The following TESK2 variants were observed in gnomAD, a reference collection of about 807,000 sequenced individuals.
TESK2 encodes the protein dual specificity testis-specific protein kinase 2.
TESK2 carries 39 observed loss-of-function variants against 57.1 expected under a neutral mutation model. That is an observed-to-expected ratio of 0.68 (90% CI 0.53 to 0.89). TESK2 has a LOEUF of 0.89. TESK2 is among the 40% of genes least tolerant of loss of function. The probability of loss-of-function intolerance (pLI) is 0.00; values close to 1 mark genes in which losing one functional copy is unlikely to be tolerated. For missense variants in TESK2, 646 were observed against 732.1 expected (o/e 0.88, Z 1.36); for synonymous variants, 249 against 267.9 (o/e 0.93, Z 0.69).
intron 3 of TESK2, among the ~76,000 whole-genome samples, chr1:45,411,903 C>T (rs2088100): frequency 0.26 from 39,277 of 152,082 alleles, 5,202 homozygotes; most frequent in East Asian, 0.36. Flanking sequence ...TGGATCCTCC[C>T]GCCTCAGTCT....
At chr1:45,396,019 C>T (rs778964656) in intron 3 of TESK2, among the ~76,000 whole-genome samples, 28 of 151,956 alleles carry the variant, frequency 1.8e-4, no homozygotes, top group Non-Finnish European at 3.8e-4. Flanking sequence ...CTGTCAACTA[C>T]GCTGGAGAGC....
intron 3 of TESK2, among the ~76,000 whole-genome samples, chr1:45,388,212 G>A (rs961889736): frequency 6.6e-6 from 1 of 152,144 alleles, no homozygotes; most frequent in Non-Finnish European, 1.5e-5. Context: ...GGGTCATTCT[G>A]TTGGAGGGCA....
intron 4 of TESK2, 98 bp from the exon 5 acceptor site, chr1:45,355,547 A>T: frequency 7.7e-7 from 1 of 1,296,512 alleles, no homozygotes; most frequent in Non-Finnish European, 1.0e-6. Flanking sequence ...GAGAGACTGT[A>T]TTTTTTTTTT....
chr1:45,428,816 A>ATT (rs71052876), intron 2 of TESK2, among the ~76,000 whole-genome samples: 55,816 of 81,294 alleles, frequency 0.69, 21,831 homozygotes, highest in East Asian at 0.9. Flanking sequence ...TAAATTCCTG[A>ATT]TTTTTTTTTT....
chr1:45,449,351 T>C (rs1032493328), intron 2 of TESK2, among the ~76,000 whole-genome samples: 9 of 152,256 alleles, frequency 5.9e-5, no homozygotes, highest in African/African-American at 2.2e-4. Context: ...GTGATATTTA[T>C]CCAAATGAAC....
At position 45,486,818 on chromosome 1, in the gene TESK2, C is replaced by CACACACACACACACACACACAT. The variant is rs796420228; in HGVS notation, c.-87+4033_-87+4034insATGTGTGTGTGTGTGTGTGTGT. 3.7e-3 allele frequency among the ~76,000 whole-genome samples: 520 copies of CACACACACACACACACACACAT among 140,192 alleles called. 15 individuals are homozygous for CACACACACACACACACACACAT. Among genetic ancestry groups the CACACACACACACACACACACAT allele is most frequent in the African/African-American group, 0.014 (484 of 35,098 alleles). The allele number at this position is 140,192 out of a possible 152,430, so 92.0% of individuals were successfully genotyped here. ...ACACACACACACACACACACACACA[C>CACACACACACACACACACACAT]ATATATACATTTTTTTTTTTTGAGA... On this transcript the variant is annotated intron_variant, in intron 1 of 10. Transcript: ENST00000372086.
At chr1:45,414,394 T>C (rs1346450550) in intron 3 of TESK2, among the ~76,000 whole-genome samples, 1 of 152,208 alleles carries the variant, frequency 6.6e-6, no homozygotes, top group Non-Finnish European at 1.5e-5. Context: ...ACAGTTCCTG[T>C]GCCAGAGGCT....
At chr1:45,402,620 T>C (rs1649674979) in intron 3 of TESK2, among the ~76,000 whole-genome samples, 2 of 151,764 alleles carry the variant, frequency 1.3e-5, no homozygotes, top group Non-Finnish European at 1.5e-5. Context: ...GTAGCTGGGA[T>C]TACAGGCATG....
At chr1:45,395,628 A>G (rs1649326524) in intron 3 of TESK2, among the ~76,000 whole-genome samples, 1 of 143,858 alleles carries the variant, frequency 7.0e-6, no homozygotes, top group South Asian at 2.2e-4. Context: ...TTTTTTTGAG[A>G]CAAGGTCCCA....
chr1:45,490,423 TAG>T (rs912695853), intron 1 of TESK2, among the ~76,000 whole-genome samples: 3 of 151,514 alleles, frequency 2.0e-5, no homozygotes. Flanking sequence ...TTTTCCTGGG[TAG>T]AGGTGAACGT....
intron 3 of TESK2, 125 bp downstream of exon 3, chr1:45,421,600 A>C (rs1650480067): frequency 7.3e-7 from 1 of 1,368,090 alleles, no homozygotes; most frequent in Non-Finnish European, 1.0e-6. Context: ...GTACCACTAA[A>C]CCCCAGCAAG....
intron 3 of TESK2, among the ~76,000 whole-genome samples, chr1:45,403,519 G>A (rs1481496234): frequency 1.3e-5 from 2 of 152,094 alleles, no homozygotes; most frequent in South Asian, 2.1e-4. Context: ...GTTCAGTCTC[G>A]CTTTCTCCTT....
At chr1:45,424,346 A>G (rs1014585633) in intron 2 of TESK2, among the ~76,000 whole-genome samples, 5 of 152,298 alleles carry the variant, frequency 3.3e-5, no homozygotes, top group Admixed American at 2.6e-4. Context: ...CCAAAACACA[A>G]AGAGCCACAG....
At chr1:45,485,129 C>T (rs1430340510) in intron 1 of TESK2, among the ~76,000 whole-genome samples, 1 of 151,908 alleles carries the variant, frequency 6.6e-6, no homozygotes, top group East Asian at 1.9e-4. Context: ...TGGGAGAGGG[C>T]ATGGAACCAG....
chr1:45,452,534 TAAC>T (rs1248357442), intron 2 of TESK2, among the ~76,000 whole-genome samples: 1 of 152,020 alleles, frequency 6.6e-6, no homozygotes, highest in Non-Finnish European at 1.5e-5. Context: ...TAAAATGAAT[TAAC>T]AAGTCAGGAA....
intron 4 of TESK2, among the ~76,000 whole-genome samples, chr1:45,385,539 G>A (rs1648855731): frequency 2.0e-5 from 3 of 152,000 alleles, no homozygotes. Flanking sequence ...TCATCCCTTG[G>A]CTTAGGATGG....
chr1:45,416,678 T>C (rs775653751), intron 3 of TESK2, among the ~76,000 whole-genome samples: 2 of 152,160 alleles, frequency 1.3e-5, no homozygotes, highest in Non-Finnish European at 2.9e-5. Flanking sequence ...ATTTCAGAAA[T>C]GTATTCCTCC....
chr1:45,448,555 G>A (rs1323953749), intron 2 of TESK2, among the ~76,000 whole-genome samples: 1 of 152,114 alleles, frequency 6.6e-6, no homozygotes, highest in Non-Finnish European at 1.5e-5. Context: ...CATGTCACAT[G>A]GGGAGAGTGA....
chr1:45,359,811 C>A (rs1382844808), intron 4 of TESK2, among the ~76,000 whole-genome samples: 1 of 151,330 alleles, frequency 6.6e-6, no homozygotes, highest in African/African-American at 2.4e-5. Flanking sequence ...TTGCGGTGGG[C>A]AGAGATCATA....
Sources: gnomAD v4.1 joint callset for allele counts (sites outside exome capture counted in the v4.1 genomes callset) on GRCh38, gnomAD v4.1.1 for gene constraint, MANE v1.5 for transcripts, NCBI Gene and HGNC (gene_info 2026-07-23, HGNC 2026-07-21) for gene names.